Variants in SPATA9 observed in about 807,000 individuals in gnomAD.
SPATA9 encodes the protein spermatogenesis-associated protein 9.
A neutral mutation model predicts 25.5 loss-of-function variants in SPATA9; 27 were observed. The observed-to-expected ratio is 1.06, with a 90% CI of 0.78 to 1.46. The LOEUF (loss-of-function observed/expected upper bound fraction) is 1.46. Among genes scored for constraint, SPATA9 ranks in the 40% most tolerant of loss-of-function variants. The probability of loss-of-function intolerance (pLI) is 0.00; values close to 1 mark genes in which losing one functional copy is unlikely to be tolerated. For synonymous variants in SPATA9, 102 were observed against 105.7 expected (o/e 0.97, Z 0.21); for missense variants, 282 against 297.5 (o/e 0.95, Z 0.38).
At chr5:95,716,194 C>A in the SPATA9 span, among the ~76,000 whole-genome samples, 1 of 152,188 alleles carries the variant, frequency 6.6e-6, no homozygotes, top group Non-Finnish European at 1.5e-5. Flanking sequence ...TCCTCCAAAC[C>A]CCAGAATGGT....
the SPATA9 span, chr5:95,731,770 G>C: frequency 1.2e-6 from 2 of 1,604,788 alleles, no homozygotes; most frequent in South Asian, 1.1e-5. Flanking sequence ...CATCCTCGCC[G>C]CGCGCTGTCC....
In SPATA9 at chr5:95,688,362, C is replaced by T. The variant is rs145128963; in HGVS notation, n.124+10226G>A. Among the ~76,000 whole-genome samples the T allele has an allele frequency of 8.4e-3, 1,275 of 152,250 alleles. 13 individuals are homozygous for T. Among genetic ancestry groups the T allele is most frequent in the Non-Finnish European group, 0.012 (795 of 68,016 alleles). On this transcript the variant is annotated intron_variant and non_coding_transcript_variant, in intron 1 of 2. Transcript: ENST00000379990. ...CAAACTCCTGGTTTCAAATGATCTT[C>T]CCACCTTAGCCTCCTAAGTAGCTAA...
At chr5:95,720,916 G>A in the SPATA9 span, among the ~76,000 whole-genome samples, 7 of 152,166 alleles carry the variant, frequency 4.6e-5, no homozygotes, top group African/African-American at 1.7e-4. Context: ...ATATTTTACC[G>A]AAGAAAAGGA....
chr5:95,716,019 AG>A, the SPATA9 span, among the ~76,000 whole-genome samples: 2 of 152,244 alleles, frequency 1.3e-5, no homozygotes, highest in Non-Finnish European at 2.9e-5. Flanking sequence ...ACTGTCCACC[AG>A]AACTGGCAAA....
intron 2 of SPATA9, among the ~76,000 whole-genome samples, chr5:95,677,495 C>A (rs1753051021): frequency 6.6e-6 from 1 of 152,120 alleles, no homozygotes; most frequent in Non-Finnish European, 1.5e-5. Context: ...TCACCAAAGA[C>A]AAAAATATAA....
the SPATA9 span, among the ~76,000 whole-genome samples, chr5:95,710,660 A>C: frequency 6.6e-6 from 1 of 152,188 alleles, no homozygotes; most frequent in South Asian, 2.1e-4. Context: ...GGGAGGGCTA[A>C]AGCAGAGGCT....
At chr5:95,692,044 T>G (rs1479183784) in intron 1 of SPATA9, among the ~76,000 whole-genome samples, 3 of 152,154 alleles carry the variant, frequency 2.0e-5, no homozygotes, top group Non-Finnish European at 4.4e-5. Context: ...AGAATTTGTA[T>G]TTGATTACAT....
At chr5:95,661,071 T>C (rs532164543) in intron 4 of SPATA9, among the ~76,000 whole-genome samples, 204 of 152,290 alleles carry the variant, frequency 1.3e-3, no homozygotes, top group African/African-American at 4.8e-3. Context: ...AAATCATTTT[T>C]GAGATGGTTA....
chr5:95,655,991 T>C (rs1041341704), downstream of SPATA9: 22 of 1,536,738 alleles, frequency 1.4e-5, no homozygotes, highest in Non-Finnish European at 1.9e-5. Context: ...CTCTTCAGAG[T>C]CTATCAAGAA....
chr5:95,714,883 T>C, the SPATA9 span, among the ~76,000 whole-genome samples: 1 of 152,142 alleles, frequency 6.6e-6, no homozygotes, highest in East Asian at 1.9e-4. Context: ...TTGAAGAACA[T>C]TAAAGAAGAC....
At chr5:95,695,272 C>G (rs1319037663) in intron 1 of SPATA9, among the ~76,000 whole-genome samples, 19 of 152,172 alleles carry the variant, frequency 1.2e-4, no homozygotes, top group Non-Finnish European at 1.5e-5. Context: ...ATTTGTATTT[C>G]TAGAGCAGTA....
At chr5:95,724,079 G>A in the SPATA9 span, among the ~76,000 whole-genome samples, 6 of 152,274 alleles carry the variant, frequency 3.9e-5, 1 homozygote, top group African/African-American at 1.4e-4. Context: ...AAAAGTTATT[G>A]TGAATAAAGC....
the SPATA9 span, among the ~76,000 whole-genome samples, chr5:95,710,712 T>C: frequency 6.6e-6 from 1 of 152,254 alleles, no homozygotes; most frequent in Non-Finnish European, 1.5e-5. Context: ...CCTGTTCTTC[T>C]GTGTCTGTCC....
At chr5:95,728,703 T>TG in the SPATA9 span, among the ~76,000 whole-genome samples, 1 of 152,200 alleles carries the variant, frequency 6.6e-6, no homozygotes, top group South Asian at 2.1e-4. Flanking sequence ...GAGTAGAGGC[T>TG]GGGTACACTA....
At chr5:95,711,793 G>C in the SPATA9 span, among the ~76,000 whole-genome samples, 1 of 152,200 alleles carries the variant, frequency 6.6e-6, no homozygotes, top group Middle Eastern at 3.2e-3. Flanking sequence ...GCGCATGAAC[G>C]GAGCCATGGA....
intron 2 of SPATA9, among the ~76,000 whole-genome samples, 180 bp from the exon 3 acceptor site, chr5:95,675,819 CT>C (rs33943918): frequency 0.33 from 35,326 of 107,864 alleles, 3,879 homozygotes; most frequent in East Asian, 0.63. Context: ...GTACTTAAAC[CT>C]TTTTTTTTTT....
chr5:95,663,844 CTG>C, intron 4 of SPATA9, 107 bp downstream of exon 4: 1 of 550,760 alleles, frequency 1.8e-6, no homozygotes, highest in African/African-American at 2.0e-5. Context: ...TGTAACGAGA[CTG>C]TGAATGGTAA....
chr5:95,702,062 A>G (rs1456650300), upstream of SPATA9, among the ~76,000 whole-genome samples: 1 of 152,200 alleles, frequency 6.6e-6, no homozygotes, highest in African/African-American at 2.4e-5. Flanking sequence ...TCATGATACC[A>G]AAATTCTCTC....
At position 95,675,668 on chromosome 5, in the gene SPATA9, G is replaced by A. The variant is rs140070031; in HGVS notation, c.151-29C>T. ...AAAAATAGGCCTTTGAAAAGTAACT[G>A]ATGTGTAATCTCCAGTGCATTATTA... On this transcript the variant is annotated intron_variant, in intron 2 of 4. Coordinates refer to ENST00000274432, the MANE Select transcript of SPATA9 (RefSeq NM_031952.4). 8.4e-4 allele frequency: 1,330 copies of A among 1,591,464 alleles called. 11 individuals carry two copies. In the African/African-American group the frequency reaches 0.016, roughly 19 times the overall value.
Sources: gnomAD v4.1 joint callset for allele counts (sites outside exome capture counted in the v4.1 genomes callset) on GRCh38, gnomAD v4.1.1 for gene constraint, MANE v1.5 for transcripts, NCBI Gene and HGNC (gene_info 2026-07-23, HGNC 2026-07-21) for gene names.